Variants in ATP8A2 observed in about 807,000 individuals in gnomAD.
ATP8A2 encodes the protein ATPase phospholipid transporting 8A2.
In ATP8A2, 100 loss-of-function variants were observed where a neutral mutation model predicts 165.6. The ratio of observed to expected loss-of-function variants is 0.60; its 90% CI spans 0.51 to 0.71. The LOEUF (loss-of-function observed/expected upper bound fraction) is 0.71, where lower values mean the gene tolerates loss of function less well. ATP8A2 is among the 30% of genes least tolerant of loss of function. ATP8A2 has a pLI of 0.00. For synonymous variants in ATP8A2, 543 were observed against 548.8 expected (o/e 0.99, Z 0.15); for missense variants, 1,227 against 1,479.5 (o/e 0.83, Z 2.80).
chr13:25,973,883 T>G (rs879856803), intron 35 of ATP8A2, among the ~76,000 whole-genome samples: 1 of 152,206 alleles, frequency 6.6e-6, no homozygotes, highest in Non-Finnish European at 1.5e-5. Flanking sequence ...TGCATCTCCC[T>G]TTTGCTTTTG....
At chr13:25,727,763 C>T (rs111382224) in intron 25 of ATP8A2, among the ~76,000 whole-genome samples, 1 of 152,174 alleles carries the variant, frequency 6.6e-6, no homozygotes, top group Non-Finnish European at 1.5e-5. Flanking sequence ...CTTTCATTTC[C>T]TCAAGTATGA....
chr13:25,584,604 T>C (rs2039869113), intron 23 of ATP8A2, among the ~76,000 whole-genome samples: 1 of 152,218 alleles, frequency 6.6e-6, no homozygotes, highest in Non-Finnish European at 1.5e-5. Context: ...TGAACATTCT[T>C]ATAGCTCGAG....
chr13:25,396,076 T>G (rs1281100635), intron 1 of ATP8A2, among the ~76,000 whole-genome samples: 1 of 152,182 alleles, frequency 6.6e-6, no homozygotes, highest in African/African-American at 2.4e-5. Flanking sequence ...TCTCCTGACC[T>G]CGTGGTCTGC....
rs1954040266 is a variant in ATP8A2 at position 25,909,442 on chromosome 13, A to G, written c.3183+47034A>G. On this transcript the variant is annotated intron_variant, in intron 33 of 36. Transcript: ENST00000381655. Reference sequence around the variant, plus strand: ...AAAAATAACTTTTTAAAAAGCTGATATATTTTAGCTGAGTGTGAAAGCTCT... The same window carrying G: ...AAAAATAACTTTTTAAAAAGCTGATGTATTTTAGCTGAGTGTGAAAGCTCT... Among the ~76,000 whole-genome samples, 4 of 152,208 alleles carry G rather than the reference A, an allele frequency of 2.6e-5. No homozygotes were observed. The South Asian group carries it at 8.3e-4, about 32-fold the overall frequency.
Position 25,590,418 on chromosome 13 carries a change from C to G in ATP8A2, c.2211+719C>G, listed in dbSNP as rs142623295. On this transcript the variant is annotated intron_variant, in intron 24 of 36. Coordinates refer to ENST00000381655, the MANE Select transcript of ATP8A2 (RefSeq NM_016529.6). ...CCAAGCTGGGTGACAGAGTGAGACT[C>G]TGTCTTGAAATAATAATAATACATT... 2.7e-3 allele frequency among the ~76,000 whole-genome samples: 404 copies of G among 152,214 alleles called. 1 individual carries two copies. The highest frequency in any genetic ancestry group is 9.2e-3 in the African/African-American group (383 of 41,520).
Position 25,980,487 on chromosome 13 carries a change from G to T in ATP8A2, c.3377+11808G>T, listed in dbSNP as rs183775758. Among the ~76,000 whole-genome samples the T allele has an allele frequency of 1.2e-4, 19 of 152,308 alleles. No homozygotes were observed. In the East Asian group the frequency reaches 3.5e-3, roughly 28 times the overall value. On this transcript the variant is annotated intron_variant, in intron 35 of 36. Coordinates refer to ENST00000381655, the MANE Select transcript of ATP8A2 (RefSeq NM_016529.6). ...GGGAGGGATGCTCGGTGTGACCAGT[G>T]CCTGGGAAATGCATGACAAAGTCAT...
At chr13:25,647,730 G>C (rs1276725682) in intron 24 of ATP8A2, among the ~76,000 whole-genome samples, 1 of 151,116 alleles carries the variant, frequency 6.6e-6, no homozygotes, top group East Asian at 1.9e-4. Flanking sequence ...TTGTTGCCCA[G>C]GCTGGAGTGC....
intron 25 of ATP8A2, among the ~76,000 whole-genome samples, chr13:25,748,899 C>T (rs1358686126): frequency 1.3e-5 from 2 of 152,046 alleles, no homozygotes; most frequent in Non-Finnish European, 2.9e-5. Context: ...TAAAGAGTGC[C>T]CCCCATCACC....
At chr13:25,648,681 A>C (rs2041738091) in intron 24 of ATP8A2, among the ~76,000 whole-genome samples, 1 of 152,170 alleles carries the variant, frequency 6.6e-6, no homozygotes, top group Non-Finnish European at 1.5e-5. Context: ...AACAAAACAA[A>C]ACAAAAATGG....
intron 33 of ATP8A2, among the ~76,000 whole-genome samples, chr13:25,893,590 G>T (rs951266946): frequency 2.6e-5 from 4 of 151,896 alleles, no homozygotes; most frequent in Non-Finnish European, 5.9e-5. Context: ...TGGGTCAAAT[G>T]GTATTTCTAG....
chr13:25,674,313 C>A (rs2042328750), intron 24 of ATP8A2, among the ~76,000 whole-genome samples: 1 of 151,320 alleles, frequency 6.6e-6, no homozygotes, highest in Admixed American at 6.6e-5. Context: ...CTTTTAGCTG[C>A]TTTATTTTTT....
chr13:25,995,378 T>G (rs1956476068), intron 35 of ATP8A2, among the ~76,000 whole-genome samples: 1 of 151,572 alleles, frequency 6.6e-6, no homozygotes, highest in Non-Finnish European at 1.5e-5. Flanking sequence ...TTGCTCTTCT[T>G]TTCTAGTTTC....
At chr13:25,797,562 A>G (rs993266103) in intron 27 of ATP8A2, among the ~76,000 whole-genome samples, 1 of 152,222 alleles carries the variant, frequency 6.6e-6, no homozygotes, top group East Asian at 1.9e-4. Flanking sequence ...AAACGATTTC[A>G]TCTGCAACTA....
intron 1 of ATP8A2, among the ~76,000 whole-genome samples, chr13:25,393,726 T>C (rs745710637): frequency 2.0e-5 from 3 of 152,336 alleles, no homozygotes; most frequent in Non-Finnish European, 4.4e-5. Flanking sequence ...CCTATTTATA[T>C]ACTTTTTGAC....
At chr13:25,900,698 G>T (rs1953715419) in intron 33 of ATP8A2, among the ~76,000 whole-genome samples, 1 of 152,062 alleles carries the variant, frequency 6.6e-6, no homozygotes. Flanking sequence ...GCCAAGAGGG[G>T]GTCTGTTCAG....
chr13:25,774,747 C>A (rs1392537922), intron 26 of ATP8A2, 102 bp from the exon 27 acceptor site: 1 of 661,248 alleles, frequency 1.5e-6, no homozygotes, highest in Non-Finnish European at 2.6e-6. Flanking sequence ...ATCTGGTTTC[C>A]TCTACCTACA....
intron 1 of ATP8A2, among the ~76,000 whole-genome samples, chr13:25,386,066 C>T (rs373317894): frequency 1.4e-4 from 21 of 152,186 alleles, no homozygotes; most frequent in East Asian, 1.4e-3. Flanking sequence ...CAGGCATAAG[C>T]CACCACACCT....
intron 35 of ATP8A2, among the ~76,000 whole-genome samples, chr13:25,976,208 G>A (rs562381762): frequency 7.2e-5 from 11 of 152,056 alleles, no homozygotes; most frequent in Non-Finnish European, 1.6e-4. Context: ...GGATTACAGG[G>A]ATGTGCCGCC....
Position 25,862,321 on chromosome 13 carries a change from G to A in ATP8A2, c.3096G>A (p.Trp1032Ter). ...AWTKFSHLAV[W>*]GSMLTWLVFF... The stretch of plus-strand genomic sequence containing the variant: ...TGCAGTTCAGTCATCTGGCTGTCTG[G>A]GGAAGCATGCTGACCTGGCTGGTGT... The change falls in exon 33 of 37, where the codon TGG (tryptophan) becomes TGA (stop). Residue 1032 changes from tryptophan to a stop codon, truncating the protein, a stop_gained. Transcript: ENST00000381655. LOFTEE classifies it high-confidence loss of function. The A allele has an allele frequency of 6.2e-7, 1 of 1,613,996 alleles. No homozygotes were observed. The highest frequency in any genetic ancestry group is 8.5e-7 in the Non-Finnish European group (1 of 1,179,898).
Sources: gnomAD v4.1 joint callset for allele counts (sites outside exome capture counted in the v4.1 genomes callset) on GRCh38, gnomAD v4.1.1 for gene constraint, MANE v1.5 for transcripts, NCBI Gene and HGNC (gene_info 2026-07-23, HGNC 2026-07-21) for gene names.